ITPR2: variants seen among roughly 807,000 people sequenced by gnomAD.
ITPR2 encodes the protein inositol 1,4,5-trisphosphate receptor type 2.
In ITPR2, 207 loss-of-function variants were observed where a neutral mutation model predicts 317.1. That is an observed-to-expected ratio of 0.65 (90% confidence interval 0.58 to 0.73). ITPR2 has a LOEUF of 0.73. Ranked by LOEUF, ITPR2 falls within the 30% of genes least tolerant of loss-of-function variation. The pLI is 0.00. For synonymous variants in ITPR2, 1,156 were observed against 1,149.1 expected, an observed-to-expected ratio of 1.01 and a Z score of -0.12; for missense variants, 2,613 against 3,284.0, an observed-to-expected ratio of 0.80 and a Z score of 4.99.
chr12:26,686,394 T>C (rs1289448849), intron 11 of ITPR2, 87 bp downstream of exon 11: 5 of 856,922 alleles, frequency 5.8e-6, no homozygotes, highest in Admixed American at 3.6e-5. Flanking sequence ...CTTGATATCA[T>C]AAAAATATAT....
intron 37 of ITPR2, among the ~76,000 whole-genome samples, chr12:26,516,822 T>C (rs1429597190): frequency 2.6e-5 from 4 of 151,608 alleles, no homozygotes; most frequent in South Asian, 2.1e-4. Flanking sequence ...ATGGAGAGGA[T>C]AGATATGAGA....
At chr12:26,683,423 G>C (rs1377261713) in intron 11 of ITPR2, among the ~76,000 whole-genome samples, 1 of 152,130 alleles carries the variant, frequency 6.6e-6, no homozygotes, top group Admixed American at 6.5e-5. Context: ...CCCACATGAG[G>C]TGTAGAAGTG....
chr12:26,712,327 T>G (rs1377529211), intron 8 of ITPR2, among the ~76,000 whole-genome samples: 1 of 152,172 alleles, frequency 6.6e-6, no homozygotes, highest in African/African-American at 2.4e-5. Flanking sequence ...CAACCACGAA[T>G]TCTGTGTGTT....
intron 21 of ITPR2, among the ~76,000 whole-genome samples, chr12:26,634,275 T>G (rs558363011): frequency 6.6e-6 from 1 of 152,214 alleles, no homozygotes; most frequent in Non-Finnish European, 1.5e-5. Flanking sequence ...ATCACAGCCA[T>G]GCAAAGCTTC....
At chr12:26,524,370 G>A (rs780447154) in intron 37 of ITPR2, among the ~76,000 whole-genome samples, 1 of 151,734 alleles carries the variant, frequency 6.6e-6, no homozygotes, top group East Asian at 1.9e-4. Flanking sequence ...TTATTTGCAG[G>A]GATTAATCAA....
chr12:26,728,633 C>G (rs974618211), intron 2 of ITPR2, among the ~76,000 whole-genome samples: 3 of 152,140 alleles, frequency 2.0e-5, no homozygotes, highest in Non-Finnish European at 4.4e-5. Flanking sequence ...TCCTTTAGAA[C>G]ACATTTTTAA....
Position 26,387,519 on chromosome 12 carries a change from T to G in ITPR2, c.7772A>C (p.His2591Pro). 6.2e-7 allele frequency: 1 copy of G among 1,613,856 alleles called. No individual in the cohort carries two copies. The highest frequency in any genetic ancestry group is 8.5e-7 in the Non-Finnish European group (1 of 1,179,830). Residue 2591 changes from histidine (H) to proline (P), a missense_variant, in exon 55 of 57, where the codon CAT becomes CCT. His to Pro is a moderately conservative substitution (Grantham distance 77). This residue lies in a region of ITPR2 where 119 missense variants were observed against 144.3 expected (regional missense o/e 0.82). Transcript: ENST00000381340. ...CACCAGGACTATGAAGTACAAATAA[T>G]GCCACATATTGTGTTCTGACTTAAT... ...EHIKSEHNMW[H>P]YLYFIVLVKV...
chr12:26,704,062 C>T (rs1227128245), intron 9 of ITPR2, among the ~76,000 whole-genome samples: 1 of 152,138 alleles, frequency 6.6e-6, no homozygotes, highest in East Asian at 1.9e-4. Context: ...GAATCAAAGG[C>T]TTTTAAAATT....
At chr12:26,605,126 A>AAAATAT (rs1555165395) in intron 26 of ITPR2, among the ~76,000 whole-genome samples, 1 of 136,308 alleles carries the variant, frequency 7.3e-6, no homozygotes, top group Non-Finnish European at 1.6e-5. Context: ...AAAAAATAAA[A>AAAATAT]ATATATATAT....
chr12:26,725,135 T>G (rs771195328), intron 3 of ITPR2, among the ~76,000 whole-genome samples: 1 of 152,172 alleles, frequency 6.6e-6, no homozygotes, highest in African/African-American at 2.4e-5. Context: ...AAAATTACTT[T>G]AAGAAGGTAT....
intron 51 of ITPR2, 149 bp from the exon 52 acceptor site, chr12:26,411,561 T>G: frequency 6.6e-6 from 4 of 609,276 alleles, no homozygotes; most frequent in Non-Finnish European, 1.1e-5. Context: ...TATGGAATTC[T>G]GAACACAGTT....
At chr12:26,585,647 C>T (rs972748401) in intron 32 of ITPR2, among the ~76,000 whole-genome samples, 5 of 152,274 alleles carry the variant, frequency 3.3e-5, no homozygotes, top group East Asian at 3.9e-4. Context: ...TCAAGCAATC[C>T]GGCTGCCTCA....
intron 32 of ITPR2, among the ~76,000 whole-genome samples, chr12:26,584,966 C>T (rs892748463): frequency 2.6e-5 from 4 of 152,056 alleles, no homozygotes; most frequent in African/African-American, 9.7e-5. Context: ...CAAGCATTTG[C>T]TTTCTATATC....
chr12:26,353,731 C>T (rs756770102), intron 55 of ITPR2, among the ~76,000 whole-genome samples: 1 of 152,162 alleles, frequency 6.6e-6, no homozygotes, highest in African/African-American at 2.4e-5. Flanking sequence ...AATACTTTGA[C>T]AGGATGTCAC....
intron 46 of ITPR2, among the ~76,000 whole-genome samples, chr12:26,441,951 T>C (rs1565528955): frequency 6.6e-6 from 1 of 152,082 alleles, no homozygotes; most frequent in Admixed American, 6.6e-5. Flanking sequence ...TAGAGATCTA[T>C]ATGTATGTAT....
At chr12:26,815,841 C>T (rs1328252137) in intron 1 of ITPR2, among the ~76,000 whole-genome samples, 2 of 152,082 alleles carry the variant, frequency 1.3e-5, no homozygotes, top group African/African-American at 4.8e-5. Context: ...CATCTGTAAA[C>T]CCAGCACTTT....
intron 39 of ITPR2, 52 bp from the exon 40 acceptor site, chr12:26,487,303 G>C (rs1322539110): frequency 7.5e-7 from 1 of 1,342,006 alleles, no homozygotes; most frequent in Non-Finnish European, 1.0e-6. Context: ...GACAAATGGT[G>C]TTTTTATGCT....
intron 34 of ITPR2, among the ~76,000 whole-genome samples, chr12:26,574,404 T>C (rs1216051424): frequency 6.6e-6 from 1 of 152,198 alleles, no homozygotes; most frequent in Non-Finnish European, 1.5e-5. Flanking sequence ...TCTGTTTCTA[T>C]GACCAGCGTC....
intron 1 of ITPR2, among the ~76,000 whole-genome samples, chr12:26,792,768 C>T (rs1306731707): frequency 2.0e-5 from 3 of 152,136 alleles, no homozygotes; most frequent in African/African-American, 4.8e-5. Context: ...TCTTTGTTCC[C>T]AGTTCTTTCT....
Sources: gnomAD v4.1 joint callset for allele counts (sites outside exome capture counted in the v4.1 genomes callset) on GRCh38, gnomAD v4.1.1 for gene constraint, gnomAD v4.1.1 regional missense constraint, MANE v1.5 for transcripts, NCBI Gene and HGNC (gene_info 2026-07-23, HGNC 2026-07-21) for gene names.